Variants in UBE3C observed in about 807,000 individuals in gnomAD.
UBE3C encodes the protein ubiquitin protein ligase E3C.
In UBE3C, 42 loss-of-function variants were observed where a neutral mutation model predicts 129.4. The ratio of observed to expected loss-of-function variants is 0.32; its 90% CI spans 0.25 to 0.42. The LOEUF (loss-of-function observed/expected upper bound fraction) is 0.42. Among genes scored for constraint, UBE3C ranks in the 10% least tolerant of loss-of-function variants. The pLI is 1.00. For synonymous variants in UBE3C, 510 were observed against 492.4 expected (o/e 1.04, Z -0.47); for missense variants, 1,049 against 1,319.1 (o/e 0.80, Z 3.17).
chr7:157,208,682 T>C (rs1809507513), intron 13 of UBE3C, among the ~76,000 whole-genome samples: 1 of 152,220 alleles, frequency 6.6e-6, no homozygotes, highest in African/African-American at 2.4e-5. Flanking sequence ...GCTAGTTGTA[T>C]ATAAATTATT....
chr7:157,234,527 C>G (rs1796105177), intron 18 of UBE3C, among the ~76,000 whole-genome samples: 1 of 152,178 alleles, frequency 6.6e-6, no homozygotes, highest in African/African-American at 2.4e-5. Context: ...CCTTGTTAAG[C>G]AGGGATAATG....
chr7:157,258,410 GTAATGT>G (rs1796812518), intron 22 of UBE3C, among the ~76,000 whole-genome samples: 1 of 152,084 alleles, frequency 6.6e-6, no homozygotes, highest in South Asian at 2.1e-4. Flanking sequence ...GGGGGAAAAA[GTAATGT>G]TAAGGTTTTT....
rs1198963372 is a variant in UBE3C at position 157,248,281 on chromosome 7, G to A, written c.2482-87G>A. On this transcript the variant is annotated intron_variant, in intron 18 of 22. Transcript: ENST00000348165. ...GAAAATACCTGCTCTCTTAGGATTGGGTTTAATATCAAGTTGAGCATATGG... is the reference window on the plus strand; with the variant it reads ...GAAAATACCTGCTCTCTTAGGATTGAGTTTAATATCAAGTTGAGCATATGG... 27 of 1,194,720 alleles carry A rather than the reference G, an allele frequency of 2.3e-5. No homozygotes were observed. In the Admixed American group the frequency reaches 5.5e-4, roughly 24 times the overall value. 74.0% of individuals were successfully genotyped at this position (1,194,720 alleles called of 1,614,324 possible). A position where few individuals can be genotyped will look rare whatever the true frequency, so the allele number is the denominator to read the frequency against.
chr7:157,141,123 A>C (rs1178528828), intron 1 of UBE3C, among the ~76,000 whole-genome samples: 1 of 152,084 alleles, frequency 6.6e-6, no homozygotes, highest in African/African-American at 2.4e-5. Flanking sequence ...GCTAACCCTG[A>C]GCCGAGGGCC....
At chr7:157,171,678 ATATATATATTTTTTTTTTTTTTTT>A (rs1427168625) in intron 4 of UBE3C, among the ~76,000 whole-genome samples, 19 of 32,162 alleles carry the variant, frequency 5.9e-4, no homozygotes, top group African/African-American at 1.6e-3. Flanking sequence ...ATATATATAT[ATATATATATTTTTTTTTTTTTTTT>A]TTTTTTTTTT....
intron 10 of UBE3C, among the ~76,000 whole-genome samples, chr7:157,193,841 T>C (rs1809042572): frequency 6.6e-6 from 1 of 152,132 alleles, no homozygotes; most frequent in South Asian, 2.1e-4. Flanking sequence ...TTCATGAAAA[T>C]GACTCTCAAT....
Position 157,264,179 on chromosome 7 carries a change from T to C in UBE3C, c.3082-3406T>C, listed in dbSNP as rs536396171. Among the ~76,000 whole-genome samples, 43 of 148,742 alleles carry C rather than the reference T, an allele frequency of 2.9e-4. 1 individual carries two copies. Among genetic ancestry groups the C allele is most frequent in the African/African-American group, 1.0e-3 (42 of 40,046 alleles). On this transcript the variant is annotated intron_variant, in intron 22 of 22. Coordinates refer to ENST00000348165, the MANE Select transcript of UBE3C (RefSeq NM_014671.3). ...CAGGTGTGAGCCAACATGTTCGGCC[T>C]GTTAAGCACAGAGACACACACCTGG...
chr7:157,263,461 C>A (rs1235954611), intron 22 of UBE3C, among the ~76,000 whole-genome samples: 1 of 152,118 alleles, frequency 6.6e-6, no homozygotes, highest in East Asian at 1.9e-4. Context: ...TTCAGGAGTT[C>A]TCGACCAGCC....
rs548059453 is a variant in UBE3C at position 157,146,686 on chromosome 7, C to G, written c.66+7348C>G. 2.7e-5 allele frequency among the ~76,000 whole-genome samples: 4 copies of G among 149,848 alleles called. No homozygotes were observed. In the East Asian group the frequency reaches 8.1e-4, roughly 30 times the overall value. On this transcript the variant is annotated intron_variant, in intron 1 of 22. Transcript: ENST00000348165. The stretch of plus-strand genomic sequence containing the variant: ...ACTTTTTTTTAATTTGAGAGGGAGC[C>G]TCCTGTTGCCCAGGCTGGAGTGCAG...
intron 10 of UBE3C, among the ~76,000 whole-genome samples, chr7:157,191,602 G>A (rs77958097): frequency 0.012 from 1,797 of 152,270 alleles, 36 homozygotes; most frequent in African/African-American, 0.04. Context: ...CCAGCCCCTC[G>A]TGTGTTTTCT....
At chr7:157,221,340 G>A (rs1486313958) in intron 15 of UBE3C, 1 of 153,078 alleles carries the variant, frequency 6.5e-6, no homozygotes, top group Admixed American at 6.5e-5. Context: ...AGAAGCTGCA[G>A]AACTGTGTTC....
intron 10 of UBE3C, among the ~76,000 whole-genome samples, chr7:157,195,125 C>G (rs1563051092): frequency 6.6e-6 from 1 of 152,172 alleles, no homozygotes; most frequent in Non-Finnish European, 1.5e-5. Context: ...TCAAGTCACA[C>G]AAAAGGCTCT....
At chr7:157,146,728 C>T (rs1807616222) in intron 1 of UBE3C, among the ~76,000 whole-genome samples, 1 of 152,128 alleles carries the variant, frequency 6.6e-6, no homozygotes, top group Admixed American at 6.5e-5. Flanking sequence ...GACCTCGGCT[C>T]ACTGCAAACT....
At chr7:157,178,950 A>G in intron 6 of UBE3C, 103 bp downstream of exon 6, 2 of 1,435,140 alleles carry the variant, frequency 1.4e-6, no homozygotes, top group Non-Finnish European at 1.9e-6. Context: ...TCAATGTCAG[A>G]GCGGTACTGG....
chr7:157,250,588 G>T (rs1469923491), intron 19 of UBE3C, among the ~76,000 whole-genome samples: 3 of 152,162 alleles, frequency 2.0e-5, no homozygotes, highest in Non-Finnish European at 4.4e-5. Flanking sequence ...CTCCCAAAGT[G>T]CTGGGATTAC....
chr7:157,140,446 C>T (rs1807411898), intron 1 of UBE3C, among the ~76,000 whole-genome samples: 1 of 152,192 alleles, frequency 6.6e-6, no homozygotes, highest in Admixed American at 6.5e-5. Flanking sequence ...GCTTGGAAGT[C>T]ACTTGTGCTC....
chr7:157,158,772 T>C (rs1383115361), intron 1 of UBE3C, among the ~76,000 whole-genome samples: 4 of 152,222 alleles, frequency 2.6e-5, no homozygotes, highest in African/African-American at 9.6e-5. Flanking sequence ...ACGTTTTTTT[T>C]CTAGCTCGTC....
intron 5 of UBE3C, among the ~76,000 whole-genome samples, chr7:157,178,203 G>A (rs923641976): frequency 6.6e-6 from 1 of 152,128 alleles, no homozygotes; most frequent in Non-Finnish European, 1.5e-5. Context: ...CTCATAGTAA[G>A]AAGGGAAGCC....
At position 157,174,936 on chromosome 7, in the gene UBE3C, C is replaced by G; in HGVS notation, c.360C>G (p.Asn120Lys). The change falls in exon 5 of 23, where the codon AAC becomes AAG. Residue 120 changes from asparagine to lysine, a missense_variant. Coordinates refer to ENST00000348165, the MANE Select transcript of UBE3C (RefSeq NM_014671.3). ...DSKRLIWLYQ[N>K]LIKHSSLFVK... Reference sequence around the variant, plus strand: ...TGTTTCAGATATGGCTGTATCAGAACTTAATTAAACACAGCTCTCTGTTTG... The same window carrying G: ...TGTTTCAGATATGGCTGTATCAGAAGTTAATTAAACACAGCTCTCTGTTTG... 1 of 1,610,286 alleles carries G rather than the reference C, an allele frequency of 6.2e-7. No individual in the cohort carries two copies. The highest frequency in any genetic ancestry group is 1.1e-5 in the South Asian group (1 of 90,080).
Sources: gnomAD v4.1 joint callset for allele counts (sites outside exome capture counted in the v4.1 genomes callset) on GRCh38, gnomAD v4.1.1 for gene constraint, MANE v1.5 for transcripts, NCBI Gene and HGNC (gene_info 2026-07-23, HGNC 2026-07-21) for gene names.